The following MYO1B variants were observed in gnomAD, a reference collection of about 807,000 sequenced individuals.
MYO1B encodes the protein myosin IB.
In MYO1B, 72 loss-of-function variants were observed where a neutral mutation model predicts 159.7. That is an observed-to-expected ratio of 0.45 (90% CI 0.37 to 0.55). The LOEUF (loss-of-function observed/expected upper bound fraction) is 0.55, where lower values mean the gene tolerates loss of function less well. MYO1B is among the 20% of genes least tolerant of loss of function. The pLI is 0.00. For synonymous variants in MYO1B, 468 were observed against 473.8 expected, an observed-to-expected ratio of 0.99 and a Z score of 0.16; for missense variants, 1,062 against 1,364.8, an observed-to-expected ratio of 0.78 and a Z score of 3.50.
intron 7 of MYO1B, among the ~76,000 whole-genome samples, chr2:191,358,973 G>A (rs545310824): frequency 3.3e-5 from 5 of 152,374 alleles, no homozygotes; most frequent in African/African-American, 1.2e-4. Flanking sequence ...ATGAATGGAT[G>A]AAGTCAAATG....
chr2:191,331,999 A>G (rs919143932), intron 4 of MYO1B, among the ~76,000 whole-genome samples: 15 of 152,308 alleles, frequency 9.8e-5, no homozygotes, highest in South Asian at 6.2e-4. Context: ...TCTCGCTCTT[A>G]TAGCCCTGGC....
chr2:191,343,426 C>T (rs1402774219), intron 5 of MYO1B, among the ~76,000 whole-genome samples: 1 of 152,164 alleles, frequency 6.6e-6, no homozygotes, highest in Non-Finnish European at 1.5e-5. Context: ...GCTTCAGTTT[C>T]ACCATTACAA....
At chr2:191,389,598 C>T (rs1323378278) in intron 17 of MYO1B, among the ~76,000 whole-genome samples, 1 of 152,214 alleles carries the variant, frequency 6.6e-6, no homozygotes, top group Admixed American at 6.5e-5. Context: ...GACATTACTT[C>T]CCCTCTGATC....
chr2:191,332,325 T>A (rs1691542524), intron 4 of MYO1B, among the ~76,000 whole-genome samples: 1 of 152,164 alleles, frequency 6.6e-6, no homozygotes, highest in Non-Finnish European at 1.5e-5. Context: ...TGACTCATAC[T>A]GGTCTTTAAA....
At chr2:191,357,908 T>C (rs1322789824) in intron 7 of MYO1B, among the ~76,000 whole-genome samples, 1 of 152,200 alleles carries the variant, frequency 6.6e-6, no homozygotes, top group Non-Finnish European at 1.5e-5. Flanking sequence ...CTTTTCTACC[T>C]GGAAGCTTGT....
chr2:191,417,953 C>G (rs991609073), intron 30 of MYO1B, among the ~76,000 whole-genome samples: 1 of 152,204 alleles, frequency 6.6e-6, no homozygotes, highest in African/African-American at 2.4e-5. Flanking sequence ...GGGCCCTGCC[C>G]TGTCACAGAG....
chr2:191,260,410 T>G (rs926136059), intron 1 of MYO1B, among the ~76,000 whole-genome samples: 8 of 152,160 alleles, frequency 5.3e-5, no homozygotes, highest in Middle Eastern at 3.4e-3. Flanking sequence ...GGTGTGTATA[T>G]GTTTACATAA....
chr2:191,423,500 G>A (rs543631799), intron 30 of MYO1B, among the ~76,000 whole-genome samples: 12 of 152,254 alleles, frequency 7.9e-5, no homozygotes, highest in Admixed American at 1.3e-4. Context: ...GAGCTATGAC[G>A]TCACTAAGCC....
chr2:191,348,702 C>T (rs1380520763), intron 6 of MYO1B, among the ~76,000 whole-genome samples: 1 of 152,202 alleles, frequency 6.6e-6, no homozygotes, highest in Non-Finnish European at 1.5e-5. Flanking sequence ...CTTAAAGCCA[C>T]CAACATTTCT....
At position 191,341,455 on chromosome 2, in the gene MYO1B, C is replaced by T. The variant is rs750948330; in HGVS notation, c.347-6C>T. The T allele has an allele frequency of 3.7e-6, 6 of 1,609,598 alleles. No individual in the cohort carries two copies. The Admixed American group carries it at 1.0e-4, about 27-fold the overall frequency. On this transcript the variant is annotated splice_region_variant and splice_polypyrimidine_tract_variant and intron_variant, in intron 4 of 30. Coordinates refer to ENST00000392318, the MANE Select transcript of MYO1B (RefSeq NM_001130158.3). ...ATTGATTAATATGGCTTATTTTCAT[C>T]CACAGAGGCCAGTAAGCTTGTCATG...
chr2:191,340,484 A>C (rs529510195), intron 4 of MYO1B, among the ~76,000 whole-genome samples: 18 of 152,314 alleles, frequency 1.2e-4, no homozygotes, highest in Admixed American at 4.6e-4. Context: ...TAAAACCACC[A>C]AAGACATGTT....
At chr2:191,366,854 C>T (rs1042168997) in intron 11 of MYO1B, among the ~76,000 whole-genome samples, 1 of 151,770 alleles carries the variant, frequency 6.6e-6, no homozygotes, top group Admixed American at 6.6e-5. Flanking sequence ...ACACCCCGCA[C>T]CCCCATCAGA....
chr2:191,390,185 A>C, intron 17 of MYO1B, 107 bp from the exon 18 acceptor site: 1 of 1,035,132 alleles, frequency 9.7e-7, no homozygotes, highest in South Asian at 2.3e-5. Flanking sequence ...CTTAAGAATA[A>C]CATAATTGTT....
chr2:191,273,908 A>G (rs981676138), intron 1 of MYO1B, among the ~76,000 whole-genome samples: 1 of 152,222 alleles, frequency 6.6e-6, no homozygotes, highest in Non-Finnish European at 1.5e-5. Context: ...CCTTCAGAGA[A>G]AAAAACAAAT....
At chr2:191,287,213 C>G (rs1688425265) in intron 2 of MYO1B, among the ~76,000 whole-genome samples, 1 of 151,962 alleles carries the variant, frequency 6.6e-6, no homozygotes, top group South Asian at 2.1e-4. Context: ...GAGGGAGGAG[C>G]TAGTATGCTT....
rs192395582 is a variant in MYO1B at position 191,362,264 on chromosome 2, A to G, written c.662-4A>G. ...CTTAACAACTTGTGTCTTTGATTCA[A>G]TAGATAAACTTAAGCTTGAGAGGGA... On this transcript the variant is annotated splice_region_variant and splice_polypyrimidine_tract_variant and intron_variant, in intron 8 of 30. Coordinates refer to ENST00000392318, the MANE Select transcript of MYO1B (RefSeq NM_001130158.3). The G allele has an allele frequency of 8.9e-4, 1,434 of 1,611,384 alleles. 3 individuals carry two copies. The highest frequency in any genetic ancestry group is 3.4e-3 in the Admixed American group (201 of 59,918).
intron 13 of MYO1B, among the ~76,000 whole-genome samples, chr2:191,379,780 T>TA (rs1312394463): frequency 2.6e-5 from 4 of 152,190 alleles, no homozygotes; most frequent in African/African-American, 9.7e-5. Flanking sequence ...TATAGGGACA[T>TA]ACTTTAGCAA....
At chr2:191,330,863 T>C (rs1328026516) in intron 4 of MYO1B, among the ~76,000 whole-genome samples, 1 of 152,252 alleles carries the variant, frequency 6.6e-6, no homozygotes, top group African/African-American at 2.4e-5. Flanking sequence ...AGGTGGAATT[T>C]TAAATGTTTC....
intron 19 of MYO1B, 91 bp from the exon 20 acceptor site, chr2:191,392,982 A>C: frequency 8.7e-7 from 1 of 1,155,324 alleles, no homozygotes; most frequent in Non-Finnish European, 1.2e-6. Context: ...TGACTCCAAC[A>C]TGATGGCATT....
Sources: allele counts gnomAD v4.1 joint callset (sites outside exome capture counted in the v4.1 genomes callset), GRCh38; gene constraint gnomAD v4.1.1; transcripts MANE v1.5; gene names NCBI Gene and HGNC (gene_info 2026-07-23, HGNC 2026-07-21).